The following OTUD7B variants were observed in gnomAD, a reference collection of about 807,000 sequenced individuals.
OTUD7B encodes OTU domain-containing protein 7B.
In OTUD7B, 34 loss-of-function variants were observed where a neutral mutation model predicts 82.2. The observed-to-expected ratio is 0.41, with a 90% CI of 0.31 to 0.55. The LOEUF (loss-of-function observed/expected upper bound fraction) is 0.55, where lower values mean the gene tolerates loss of function less well. Ranked by LOEUF, OTUD7B falls within the 20% of genes least tolerant of loss-of-function variation. The pLI is 0.20. For missense variants in OTUD7B, 944 were observed against 1,062.1 expected, an observed-to-expected ratio of 0.89 and a Z score of 1.55; for synonymous variants, 398 against 402.7, an observed-to-expected ratio of 0.99 and a Z score of 0.14.
At chr1:150,011,127 G>A (rs587659776), upstream of OTUD7B, among the ~76,000 whole-genome samples, 1 of 152,284 alleles carries the variant, frequency 6.6e-6, no homozygotes, top group South Asian at 2.1e-4. Flanking sequence ...GGAGTGACCG[G>A]AGGAAGATTA....
chr1:150,065,849 G>GTTTCTTTTTTTTTTTTTTTTTTTTT, the OTUD7B span, among the ~76,000 whole-genome samples: 3 of 151,532 alleles, frequency 2.0e-5, no homozygotes, highest in African/African-American at 7.4e-5. Context: ...TGTTCAAAAT[G>GTTTCTTTTTTTTTTTTTTTTTTTTT]TTTATGTTCC....
chr1:149,985,435 T>G (rs1651062722), intron 1 of OTUD7B, among the ~76,000 whole-genome samples: 1 of 151,894 alleles, frequency 6.6e-6, no homozygotes, highest in African/African-American at 2.4e-5. Context: ...AACAAATTCC[T>G]ATACAGGGTC....
chr1:150,042,274 G>A, the OTUD7B span, among the ~76,000 whole-genome samples: 2 of 151,490 alleles, frequency 1.3e-5, no homozygotes, highest in East Asian at 3.9e-4. Context: ...CCAGGTTCAA[G>A]CAATTCTCGT....
the OTUD7B span, among the ~76,000 whole-genome samples, chr1:150,025,470 CAAAT>C: frequency 6.9e-6 from 1 of 145,408 alleles, no homozygotes; most frequent in Non-Finnish European, 1.5e-5. Flanking sequence ...CACACACACA[CAAAT>C]AGACCTCAGG....
In OTUD7B at chr1:149,980,737, G is replaced by A. The variant is rs587713121; in HGVS notation, c.-66-3161C>T. On this transcript the variant is annotated intron_variant, in intron 1 of 11. Coordinates refer to ENST00000581312, the MANE Select transcript of OTUD7B (RefSeq NM_020205.4). ...GAAAAAAACAAAAAGTTTGGGCTGG[G>A]CACAGTGGCTCATGCCTGTAATCCC... Among the ~76,000 whole-genome samples the A allele has an allele frequency of 2.0e-5, 3 of 152,160 alleles. No homozygotes were observed. The East Asian group carries it at 5.8e-4, about 29-fold the overall frequency.
At chr1:150,060,361 C>T in the OTUD7B span, among the ~76,000 whole-genome samples, 11 of 151,412 alleles carry the variant, frequency 7.3e-5, no homozygotes, top group Non-Finnish European at 1.6e-4. Flanking sequence ...GATTGGTGTC[C>T]TTATGAGAAG....
At chr1:150,033,522 A>C in the OTUD7B span, among the ~76,000 whole-genome samples, 1 of 152,130 alleles carries the variant, frequency 6.6e-6, no homozygotes, top group Non-Finnish European at 1.5e-5. Flanking sequence ...AGAACTTGCC[A>C]GTGGTAAAAA....
At position 149,942,281 on chromosome 1, in the gene OTUD7B, G is replaced by T. The variant is rs1428913781; in HGVS notation, c.*1576C>A. On this transcript the variant is annotated 3_prime_UTR_variant, in exon 12 of 12. Transcript: ENST00000581312. ...ATTCCCCTTCTTCACATGCACCCGG[G>T]AGTGTATACAATTGCATAGTTGACT... 1 of 152,560 alleles carries T rather than the reference G, an allele frequency of 6.6e-6. No homozygotes were observed. The highest frequency in any genetic ancestry group is 1.9e-4 in the East Asian group (1 of 5,202). The allele number at this position is 152,560 out of a possible 1,614,324, so 9.5% of individuals were successfully genotyped here.
At chr1:149,981,824 A>G (rs1650752802) in intron 1 of OTUD7B, among the ~76,000 whole-genome samples, 1 of 152,204 alleles carries the variant, frequency 6.6e-6, no homozygotes, top group Admixed American at 6.5e-5. Context: ...AATAAAAACT[A>G]ACAAGTTAAT....
chr1:149,965,877 C>A lies in OTUD7B; in HGVS notation c.504G>T (p.Gly168=). The A allele has an allele frequency of 6.2e-7, 1 of 1,613,076 alleles. No individual in the cohort carries two copies. Among genetic ancestry groups the A allele is most frequent in the Non-Finnish European group, 8.5e-7 (1 of 1,179,068 alleles). ...QSMLVALEQA[G]RLNWWVSVDP... Reference sequence around the variant, plus strand: ...CCACACTCACCCACCAGTTCAAACGCCCTGTAGAAACAAGATAGTGGAGGA... The same window carrying A: ...CCACACTCACCCACCAGTTCAAACGACCTGTAGAAACAAGATAGTGGAGGA... The change falls in exon 5 of 12, where the codon GGG becomes GGT. Residue 168 remains glycine (G), a splice_region_variant and synonymous_variant. Transcript: ENST00000581312.
At chr1:149,969,445 T>C (rs1264945942) in intron 3 of OTUD7B, among the ~76,000 whole-genome samples, 1 of 152,168 alleles carries the variant, frequency 6.6e-6, no homozygotes, top group Non-Finnish European at 1.5e-5. Context: ...GGCAAACTTT[T>C]GTATCCTTCT....
At chr1:150,053,842 C>A in the OTUD7B span, 2 of 275,056 alleles carry the variant, frequency 7.3e-6, no homozygotes, top group South Asian at 1.3e-4. Flanking sequence ...ATTAAAAAGT[C>A]AGCTCTTTTC....
chr1:150,034,808 T>C, the OTUD7B span, among the ~76,000 whole-genome samples: 1 of 152,104 alleles, frequency 6.6e-6, no homozygotes, highest in African/African-American at 2.4e-5. Flanking sequence ...ATTTTGAACA[T>C]TGCGGCTTTA....
In OTUD7B at chr1:149,950,229, G is replaced by A. The variant is rs782316098; in HGVS notation, c.846-8C>T. 52 of 1,613,634 alleles carry A rather than the reference G, an allele frequency of 3.2e-5. No individual in the cohort carries two copies. The highest frequency in any genetic ancestry group is 4.4e-5 in the South Asian group (4 of 91,056). ...TCCTCAGAACTCTCCACCCTGGAAC[G>A]ACGGGAAGGGAGAGAGTGAAAAGGG... is the stretch of plus-strand genomic sequence containing the variant. On this transcript the variant is annotated splice_polypyrimidine_tract_variant and splice_region_variant and intron_variant, in intron 7 of 11. Coordinates refer to ENST00000581312, the MANE Select transcript of OTUD7B (RefSeq NM_020205.4).
chr1:149,994,887 T>C (rs926308375), intron 1 of OTUD7B, among the ~76,000 whole-genome samples: 1 of 152,100 alleles, frequency 6.6e-6, no homozygotes, highest in Admixed American at 6.6e-5. Context: ...ACAGAAAAAA[T>C]TTCCCTGTAA....
At chr1:150,002,767 A>G (rs1416591075) in intron 1 of OTUD7B, among the ~76,000 whole-genome samples, 4 of 152,208 alleles carry the variant, frequency 2.6e-5, no homozygotes, top group African/African-American at 9.6e-5. Context: ...CTAAGAAAGC[A>G]TCGCAGCCCC....
At chr1:149,973,793 A>C (rs1553778054) in intron 2 of OTUD7B, among the ~76,000 whole-genome samples, 2 of 151,310 alleles carry the variant, frequency 1.3e-5, no homozygotes, top group Non-Finnish European at 2.9e-5. Flanking sequence ...GCCTCAGTTA[A>C]CTTTTAAAAG....
At chr1:150,000,793 A>G (rs116653440) in intron 1 of OTUD7B, among the ~76,000 whole-genome samples, 4,020 of 152,138 alleles carry the variant, frequency 0.026, 72 homozygotes, top group Non-Finnish European at 0.042. Flanking sequence ...AGCCTGGTCA[A>G]TAGGGCAAAA....
At chr1:150,027,292 T>C in the OTUD7B span, among the ~76,000 whole-genome samples, 28 of 152,104 alleles carry the variant, frequency 1.8e-4, no homozygotes, top group Non-Finnish European at 3.4e-4. Context: ...CATGCAGAAA[T>C]ATAAAAGGTA....
Sources: gnomAD v4.1 joint callset for allele counts (sites outside exome capture counted in the v4.1 genomes callset) on GRCh38, gnomAD v4.1.1 for gene constraint, MANE v1.5 for transcripts, NCBI Gene and HGNC (gene_info 2026-07-23, HGNC 2026-07-21) for gene names.